Variants in HMGB1 observed in about 807,000 individuals in gnomAD.
HMGB1 encodes high mobility group box 1.
For synonymous variants in HMGB1, 81 were observed against 84.0 expected (o/e 0.96, Z 0.19); for missense variants, 79 against 253.5 (o/e 0.31, Z 4.67).
intron 4 of HMGB1, chr13:30,462,228 T>A: frequency 2.5e-6 from 1 of 393,424 alleles, no homozygotes. Flanking sequence ...GTTTTTGTAC[T>A]GTATGCCAAG....
chr13:30,528,845 G>A lies in HMGB1; in HGVS notation c.-14-65151C>T, dbSNP rs560270713. On this transcript the variant is annotated intron_variant, in intron 1 of 4. Transcript: ENST00000405805. ...AGATCGAGACCATCCTGGCTAACAC[G>A]GTGAAACCCCGTCTCTACTAAAAAC... Among the ~76,000 whole-genome samples the A allele has an allele frequency of 1.4e-4, 21 of 151,966 alleles. No individual in the cohort carries two copies. In the South Asian group the frequency reaches 3.1e-3, roughly 23 times the overall value.
At chr13:30,515,123 C>T (rs1263542023) in intron 1 of HMGB1, among the ~76,000 whole-genome samples, 54 of 152,318 alleles carry the variant, frequency 3.5e-4, no homozygotes, top group Non-Finnish European at 1.2e-4. Context: ...TAGGACTCGC[C>T]CTTGCTGGCT....
intron 1 of HMGB1, among the ~76,000 whole-genome samples, chr13:30,523,367 T>C (rs933146476): frequency 6.6e-6 from 1 of 152,232 alleles, no homozygotes; most frequent in Non-Finnish European, 1.5e-5. Flanking sequence ...CTCTGCACAT[T>C]GCTCAACCCT....
intron 1 of HMGB1, among the ~76,000 whole-genome samples, chr13:30,613,456 G>A (rs755604703): frequency 2.0e-5 from 3 of 152,158 alleles, no homozygotes; most frequent in Non-Finnish European, 2.9e-5. Flanking sequence ...TACATGCCTT[G>A]GAATGAGCAT....
Position 30,575,275 on chromosome 13 carries a change from C to T in HMGB1, c.-15+41396G>A, listed in dbSNP as rs148266781. Among the ~76,000 whole-genome samples the T allele has an allele frequency of 1.1e-4, 17 of 152,274 alleles. No individual in the cohort carries two copies. The East Asian group carries it at 3.1e-3, about 28-fold the overall frequency. On this transcript the variant is annotated intron_variant, in intron 1 of 4. Transcript: ENST00000405805. The stretch of plus-strand genomic sequence containing the variant: ...TTTTAAAATTTGAAAGTGAGAAATA[C>T]AGCTCGAAGTCAGCTCATATTTTCA...
intron 1 of HMGB1, among the ~76,000 whole-genome samples, chr13:30,607,666 C>T (rs9579619): frequency 6.6e-6 from 1 of 152,072 alleles, no homozygotes; most frequent in Non-Finnish European, 1.5e-5. Context: ...CACAGACTAT[C>T]TAGAAGAACA....
At chr13:30,588,839 T>C (rs1871259269) in intron 1 of HMGB1, among the ~76,000 whole-genome samples, 2 of 151,624 alleles carry the variant, frequency 1.3e-5, no homozygotes, top group Non-Finnish European at 1.5e-5. Context: ...CTCGCTTGAA[T>C]CTGGGAGGCG....
rs569563729 is a variant in HMGB1 at position 30,512,496 on chromosome 13, T to C, written c.-14-48802A>G. On this transcript the variant is annotated intron_variant, in intron 1 of 4. Transcript: ENST00000405805. ...GAAATCACCTAACAATGCCCTTCAG[T>C]AGTTTGATTCCACAGCAATCCTGGA... Among the ~76,000 whole-genome samples the C allele has an allele frequency of 6.6e-5, 10 of 152,314 alleles. No individual in the cohort carries two copies. The South Asian group carries it at 2.1e-3, about 32-fold the overall frequency.
At chr13:30,474,759 C>CTCTT (rs1887028601) in intron 1 of HMGB1, among the ~76,000 whole-genome samples, 1 of 92,822 alleles carries the variant, frequency 1.1e-5, no homozygotes. Flanking sequence ...TCTCTCTCTC[C>CTCTT]TTTTTTTTTT....
chr13:30,510,189 A>C (rs1887962344), intron 1 of HMGB1, among the ~76,000 whole-genome samples: 1 of 152,238 alleles, frequency 6.6e-6, no homozygotes, highest in Non-Finnish European at 1.5e-5. Flanking sequence ...CAGTGGATAG[A>C]CAGGACACAT....
intron 1 of HMGB1, among the ~76,000 whole-genome samples, chr13:30,485,546 G>A (rs761514162): frequency 1.3e-5 from 2 of 152,168 alleles, no homozygotes; most frequent in Non-Finnish European, 2.9e-5. Flanking sequence ...TAGAGCGAGG[G>A]TCTCTCTAGA....
chr13:30,512,123 A>G (rs952111359), intron 1 of HMGB1, among the ~76,000 whole-genome samples: 5 of 151,716 alleles, frequency 3.3e-5, no homozygotes, highest in Admixed American at 2.6e-4. Context: ...AGACCAGACT[A>G]GGCAACATAG....
intron 1 of HMGB1, among the ~76,000 whole-genome samples, chr13:30,512,193 C>A (rs939605312): frequency 3.3e-5 from 5 of 151,922 alleles, no homozygotes; most frequent in Non-Finnish European, 1.5e-5. Flanking sequence ...CAAAAGGATG[C>A]CTGCTCTGTA....
rs150961416 is a variant in HMGB1, at chr13:30,528,730, A to G, written c.-14-65036T>C. On this transcript the variant is annotated intron_variant, in intron 1 of 4. Transcript: ENST00000405805. ...GGAAACATCCTCAACTGAAGTTTGCATAAGATTGAATTTTGGGGCCGGGCG... is the reference window on the plus strand; with the variant it reads ...GGAAACATCCTCAACTGAAGTTTGCGTAAGATTGAATTTTGGGGCCGGGCG... Among the ~76,000 whole-genome samples, 589 of 152,198 alleles carry G rather than the reference A, an allele frequency of 3.9e-3. 5 individuals carry two copies. Among genetic ancestry groups the G allele is most frequent in the African/African-American group, 0.013 (544 of 41,526 alleles).
chr13:30,495,480 CTT>C (rs68170969), intron 1 of HMGB1, among the ~76,000 whole-genome samples: 94 of 134,412 alleles, frequency 7.0e-4, no homozygotes, highest in Admixed American at 8.2e-4. Context: ...TTTTTCTTTT[CTT>C]TTTTTTTTTT....
intron 1 of HMGB1, among the ~76,000 whole-genome samples, chr13:30,602,768 G>A (rs1950415364): frequency 6.6e-6 from 1 of 152,166 alleles, no homozygotes; most frequent in African/African-American, 2.4e-5. Flanking sequence ...AAGAACAAAT[G>A]ACCTTACCTC....
At chr13:30,578,876 G>A (rs1165520443) in intron 1 of HMGB1, among the ~76,000 whole-genome samples, 1 of 152,060 alleles carries the variant, frequency 6.6e-6, no homozygotes, top group Non-Finnish European at 1.5e-5. Context: ...CTTATGCCTG[G>A]GATATTCTCA....
intron 1 of HMGB1, among the ~76,000 whole-genome samples, chr13:30,489,368 T>C (rs1887433700): frequency 6.6e-6 from 1 of 152,124 alleles, no homozygotes; most frequent in Non-Finnish European, 1.5e-5. Context: ...TATTGAAGGA[T>C]ATAAAATTAA....
chr13:30,516,689 A>T (rs1218869033), intron 1 of HMGB1, among the ~76,000 whole-genome samples: 1 of 152,192 alleles, frequency 6.6e-6, no homozygotes, highest in African/African-American at 2.4e-5. Context: ...AGGCTGAGGC[A>T]GGAGGATTGC....
Sources: gnomAD v4.1 joint callset for allele counts (sites outside exome capture counted in the v4.1 genomes callset) on GRCh38, gnomAD v4.1.1 for gene constraint, MANE v1.5 for transcripts, NCBI Gene and HGNC (gene_info 2026-07-23, HGNC 2026-07-21) for gene names.